KIAA1217: variants seen among roughly 807,000 people sequenced by gnomAD.
The protein encoded by KIAA1217 is KIAA1217.
KIAA1217 carries 88 observed loss-of-function variants against 163.9 expected under a neutral mutation model. The observed-to-expected ratio is 0.54, with a 90% CI of 0.45 to 0.64. KIAA1217 has a LOEUF of 0.64. Ranked by LOEUF, KIAA1217 falls within the 30% of genes least tolerant of loss-of-function variation. The pLI is 0.00. For synonymous variants in KIAA1217, 903 were observed against 923.1 expected (o/e 0.98, Z 0.39); for missense variants, 2,372 against 2,475.0 (o/e 0.96, Z 0.88).
At chr10:23,744,250 A>G (rs1247029115) in intron 1 of KIAA1217, among the ~76,000 whole-genome samples, 2 of 152,172 alleles carry the variant, frequency 1.3e-5, no homozygotes, top group African/African-American at 4.8e-5. Context: ...ACAGAACTGA[A>G]TGCCATTTCT....
intron 7 of KIAA1217, 27 bp downstream of exon 7, chr10:24,494,631 A>C (rs993856319): frequency 7.2e-7 from 1 of 1,388,098 alleles, no homozygotes; most frequent in Non-Finnish European, 1.0e-6. Flanking sequence ...CCAATGAAAA[A>C]AATAATTCAA....
At chr10:24,528,553 T>C (rs2072596133) in intron 14 of KIAA1217, among the ~76,000 whole-genome samples, 1 of 152,104 alleles carries the variant, frequency 6.6e-6, no homozygotes, top group South Asian at 2.1e-4. Context: ...GGTCTCGAAC[T>C]TCTGGCCTCA....
chr10:24,452,679 CAAAAAAAAA>C (rs1331069997), intron 5 of KIAA1217, among the ~76,000 whole-genome samples: 1 of 64,100 alleles, frequency 1.6e-5, no homozygotes, highest in Non-Finnish European at 3.2e-5. Flanking sequence ...AAGACTGTCT[CAAAAAAAAA>C]AAAAAAAAAA....
intron 2 of KIAA1217, among the ~76,000 whole-genome samples, chr10:24,370,264 C>CAAAAACAAAAAA (rs2051428260): frequency 1.4e-5 from 1 of 73,450 alleles, no homozygotes; most frequent in African/African-American, 5.2e-5. Flanking sequence ...GACTCTGTCT[C>CAAAAACAAAAAA]AAAAAAAAAA....
chr10:24,410,331 G>C (rs765836261), intron 3 of KIAA1217, among the ~76,000 whole-genome samples: 2 of 152,072 alleles, frequency 1.3e-5, no homozygotes, highest in African/African-American at 2.4e-5. Flanking sequence ...ATTGATTGAT[G>C]GGCATTTATG....
intron 1 of KIAA1217, among the ~76,000 whole-genome samples, chr10:23,888,795 CAT>C (rs1841295514): frequency 2.0e-5 from 3 of 151,860 alleles, no homozygotes; most frequent in African/African-American, 4.8e-5. Context: ...CAAATCAAGA[CAT>C]AGAACATTTC....
intron 1 of KIAA1217, among the ~76,000 whole-genome samples, chr10:23,796,811 G>A (rs1347853781): frequency 6.6e-6 from 1 of 151,682 alleles, no homozygotes; most frequent in Non-Finnish European, 1.5e-5. Context: ...AATACTTTAG[G>A]TACATGACTT....
chr10:24,085,609 G>T (rs371397091), intron 2 of KIAA1217, among the ~76,000 whole-genome samples: 3 of 151,964 alleles, frequency 2.0e-5, no homozygotes, highest in African/African-American at 7.2e-5. Flanking sequence ...TAGCACCCTT[G>T]ACCATGAATA....
chr10:24,190,518 G>C (rs1221955855), intron 2 of KIAA1217, among the ~76,000 whole-genome samples: 1 of 152,112 alleles, frequency 6.6e-6, no homozygotes, highest in Non-Finnish European at 1.5e-5. Flanking sequence ...AAATTCCCGT[G>C]GGCTTTAGAA....
chr10:24,373,393 A>G (rs965717927), intron 2 of KIAA1217, among the ~76,000 whole-genome samples: 3 of 152,172 alleles, frequency 2.0e-5, no homozygotes, highest in African/African-American at 7.2e-5. Flanking sequence ...CGTCTTTTCC[A>G]GATACCTTTA....
intron 2 of KIAA1217, among the ~76,000 whole-genome samples, chr10:24,109,407 T>C (rs1488226264): frequency 6.6e-6 from 1 of 152,116 alleles, no homozygotes; most frequent in Non-Finnish European, 1.5e-5. Flanking sequence ...TTAACATGTT[T>C]GCAAGATAGA....
At chr10:24,178,270 C>A (rs1030498408) in intron 2 of KIAA1217, among the ~76,000 whole-genome samples, 2 of 152,178 alleles carry the variant, frequency 1.3e-5, no homozygotes, top group African/African-American at 4.8e-5. Flanking sequence ...TTTAATAATG[C>A]TTTATTTGTA....
intron 2 of KIAA1217, among the ~76,000 whole-genome samples, chr10:24,329,067 T>C (rs1215087934): frequency 6.8e-6 from 1 of 148,116 alleles, no homozygotes; most frequent in Non-Finnish European, 1.5e-5. Flanking sequence ...TATAAATATA[T>C]AGTATATAAA....
At chr10:24,424,777 A>G (rs2059044590) in intron 3 of KIAA1217, among the ~76,000 whole-genome samples, 2 of 151,968 alleles carry the variant, frequency 1.3e-5, no homozygotes, top group South Asian at 4.2e-4. Context: ...TAATTTTTGT[A>G]TTTTTAGTAG....
In KIAA1217 at chr10:23,836,515, C is replaced by CTT. The variant is rs58429186; in HGVS notation, c.-321+141297_-321+141298dup. On this transcript the variant is annotated intron_variant, in intron 1 of 18. Coordinates refer to the KIAA1217 transcript ENST00000376462. ...CTGGGACTTCTAGCCTCCAGAACTG[C>CTT]TTTTTTTTTTTTTTTTTACTTTGTA... Among the ~76,000 whole-genome samples, 60 of 138,190 alleles carry CTT rather than the reference C, an allele frequency of 4.3e-4. 1 individual carries two copies. The highest frequency in any genetic ancestry group is 8.8e-4 in the Admixed American group (12 of 13,672). 90.7% of individuals were successfully genotyped at this position (138,190 alleles called of 152,430 possible).
chr10:23,856,532 C>G (rs913805098), intron 1 of KIAA1217, among the ~76,000 whole-genome samples: 3 of 152,222 alleles, frequency 2.0e-5, no homozygotes, highest in Non-Finnish European at 2.9e-5. Context: ...AGAACCACTG[C>G]TCTCTTCAAA....
intron 3 of KIAA1217, among the ~76,000 whole-genome samples, chr10:24,415,079 G>C (rs1377023161): frequency 6.7e-6 from 1 of 150,314 alleles, no homozygotes; most frequent in Admixed American, 6.6e-5. Flanking sequence ...AGGCCCGGCA[G>C]TCTGGAGCAG....
chr10:23,806,005 A>T (rs1836721545), intron 1 of KIAA1217, among the ~76,000 whole-genome samples: 1 of 148,638 alleles, frequency 6.7e-6, no homozygotes, highest in Non-Finnish European at 1.5e-5. Context: ...TCAAAAAAAA[A>T]AAAAAAAAAA....
intron 1 of KIAA1217, among the ~76,000 whole-genome samples, chr10:23,711,265 G>T (rs1837238163): frequency 1.3e-5 from 2 of 152,308 alleles, no homozygotes; most frequent in South Asian, 4.1e-4. Flanking sequence ...GAAAGCAAAA[G>T]AGACTTTGCA....
Sources: allele counts gnomAD v4.1 joint callset (sites outside exome capture counted in the v4.1 genomes callset), GRCh38; gene constraint gnomAD v4.1.1; transcripts MANE v1.5; gene names NCBI Gene and HGNC (gene_info 2026-07-23, HGNC 2026-07-21).